OPRK1: variants seen among roughly 807,000 people sequenced by gnomAD.
The protein encoded by OPRK1 is kappa-type opioid receptor.
OPRK1 carries 15 observed loss-of-function variants against 24.5 expected under a neutral mutation model. The ratio of observed to expected loss-of-function variants is 0.61; its 90% CI spans 0.41 to 0.94. The LOEUF (loss-of-function observed/expected upper bound fraction) is 0.94, where lower values mean the gene tolerates loss of function less well. OPRK1 is among the 40% of genes least tolerant of loss of function. OPRK1 has a pLI of 0.00. For missense variants in OPRK1, 479 were observed against 507.3 expected (o/e 0.94, Z 0.54); for synonymous variants, 205 against 198.0 (o/e 1.04, Z -0.30).
intron 2 of OPRK1, chr8:53,242,908 C>T: frequency 7.8e-7 from 1 of 1,288,346 alleles, no homozygotes; most frequent in South Asian, 1.2e-5. Flanking sequence ...CATTGAAATT[C>T]CAACCTGTTT....
chr8:53,251,217 C>T, intron 1 of OPRK1, 132 bp from the exon 2 acceptor site: 1 of 1,001,880 alleles, frequency 1.0e-6, no homozygotes, highest in Non-Finnish European at 1.4e-6. Flanking sequence ...ACAGGGAGAA[C>T]GGACTTCTCG....
Position 53,229,484 on chromosome 8 carries a change from C to T in OPRK1, c.956G>A (p.Gly319Asp), listed in dbSNP as rs890331248. The stretch of plus-strand genomic sequence containing the variant: ...GGGATTCAGGCTACTGTTGGTATAG[C>T]CTAAGGCGATGCAGAAGTAATAGCT... ...LSSYYFCIAL[G>D]YTNSSLNPIL... Residue 319 changes from glycine (G) to aspartate (D), a missense_variant, in exon 4 of 4, where the codon GGC becomes GAC. Gly to Asp is a moderately conservative substitution (Grantham distance 94, BLOSUM62 -1). Coordinates refer to ENST00000265572, the MANE Select transcript of OPRK1 (RefSeq NM_000912.5). 4.3e-6 allele frequency: 7 copies of T among 1,614,064 alleles called. No individual in the cohort carries two copies. The highest frequency in any genetic ancestry group is 5.1e-6 in the Non-Finnish European group (6 of 1,180,048).
chr8:53,234,224 G>C (rs1298738058), intron 3 of OPRK1, among the ~76,000 whole-genome samples: 1 of 139,434 alleles, frequency 7.2e-6, no homozygotes, highest in African/African-American at 2.8e-5. Context: ...GGTTTGCATG[G>C]GGTAAAACCT....
rs559644823 is a variant in OPRK1, at chr8:53,248,794, T to A, written c.257+1987A>T. 3.3e-4 allele frequency among the ~76,000 whole-genome samples: 51 copies of A among 152,314 alleles called. 2 individuals are homozygous for A. In the South Asian group the frequency reaches 9.7e-3, roughly 29 times the overall value. ...AGTGAACTAGATAGATTTCAGTAGGTTGGTACTCCAGGATGGCAGTAGAAC... is the reference window on the plus strand; with the variant it reads ...AGTGAACTAGATAGATTTCAGTAGGATGGTACTCCAGGATGGCAGTAGAAC... On this transcript the variant is annotated intron_variant, in intron 2 of 3. Coordinates refer to ENST00000265572, the MANE Select transcript of OPRK1 (RefSeq NM_000912.5).
At chr8:53,235,182 T>C (rs1585631201) in intron 2 of OPRK1, 71 bp from the exon 3 acceptor site, 3 of 1,328,444 alleles carry the variant, frequency 2.3e-6, no homozygotes, top group Admixed American at 2.0e-5. Flanking sequence ...GTGTTTGTGA[T>C]AGCCTTTGGA....
At chr8:53,250,449 C>T (rs1807347501) in intron 2 of OPRK1, among the ~76,000 whole-genome samples, 1 of 152,174 alleles carries the variant, frequency 6.6e-6, no homozygotes, top group Non-Finnish European at 1.5e-5. Context: ...GAACCCCTGA[C>T]CCTGTTGTCA....
rs1408954765 is a variant in OPRK1, at chr8:53,238,757, G to A, written c.258-3646C>T. 7.2e-6 allele frequency: 7 copies of A among 973,058 alleles called. No homozygotes were observed. The African/African-American group carries it at 1.2e-4, about 17-fold the overall frequency. The allele number at this position is 973,058 out of a possible 1,614,324, so 60.3% of individuals were successfully genotyped here. On this transcript the variant is annotated intron_variant, in intron 2 of 3. Transcript: ENST00000265572. ...TCAGGAACCAGTGTCACCAGGCAGG[G>A]TTTCTGGGAGGACGTGACACTCACC...
rs539940477 is a variant in OPRK1 at position 53,247,502 on chromosome 8, A to G, written c.257+3279T>C. Among the ~76,000 whole-genome samples the G allele has an allele frequency of 4.6e-5, 7 of 152,270 alleles. No individual in the cohort carries two copies. In the East Asian group the frequency reaches 1.4e-3, roughly 29 times the overall value. Reference sequence around the variant, plus strand: ...ATTAAGTGTTCATTAAATGTTAGTTATCTTCTTTAAGGGAGGAGAAAGTCG... The same window carrying G: ...ATTAAGTGTTCATTAAATGTTAGTTGTCTTCTTTAAGGGAGGAGAAAGTCG... On this transcript the variant is annotated intron_variant, in intron 2 of 3. Coordinates refer to ENST00000265572, the MANE Select transcript of OPRK1 (RefSeq NM_000912.5).
At chr8:53,234,182 C>CAAAAAAAAAAA (rs546459906) in intron 3 of OPRK1, among the ~76,000 whole-genome samples, 6 of 65,352 alleles carry the variant, frequency 9.2e-5, no homozygotes, top group South Asian at 7.3e-4. Context: ...GACTCTCTCT[C>CAAAAAAAAAAA]AAAAAAAAAA....
At chr8:53,244,867 G>T (rs970776325) in intron 2 of OPRK1, among the ~76,000 whole-genome samples, 2 of 152,144 alleles carry the variant, frequency 1.3e-5, no homozygotes, top group Non-Finnish European at 2.9e-5. Context: ...TGACTGTACG[G>T]TCCTGCCTTG....
chr8:53,235,054 A>G lies in OPRK1; in HGVS notation c.315T>C (p.Asp105=). 3.7e-6 allele frequency: 6 copies of G among 1,614,270 alleles called. No homozygotes were observed. Among genetic ancestry groups the G allele is most frequent in the Non-Finnish European group, 5.1e-6 (6 of 1,180,040 alleles). The part of the protein sequence containing the change: ...NIYIFNLALA[D]ALVTTTMPFQ... The stretch of plus-strand genomic sequence containing the variant: ...AGGGCATGGTTGTAGTAACTAAAGC[A>G]TCTGCCAAAGCCAGGTTAAATATGT... The change falls in exon 3 of 4, where the codon GAT becomes GAC. Residue 105 remains aspartate (D), a synonymous_variant. Coordinates refer to ENST00000265572, the MANE Select transcript of OPRK1 (RefSeq NM_000912.5).
Position 53,251,614 on chromosome 8 carries a change from T to G in OPRK1, c.-215A>C, listed in dbSNP as rs1563333199. Reference sequence around the variant, plus strand: ...TGTTCCGCCGAGCGCAGCCCCCGCCTCTCAGCGCACGTCTCCCACTACTGG... The same window carrying G: ...TGTTCCGCCGAGCGCAGCCCCCGCCGCTCAGCGCACGTCTCCCACTACTGG... On this transcript the variant is annotated 5_prime_UTR_variant, in exon 1 of 4. Coordinates refer to ENST00000265572, the MANE Select transcript of OPRK1 (RefSeq NM_000912.5). 1.3e-5 allele frequency: 2 copies of G among 152,010 alleles called. No homozygotes were observed. The highest frequency in any genetic ancestry group is 4.8e-5 in the African/African-American group (2 of 41,382). The allele number at this position is 152,010 out of a possible 1,614,324, so 9.4% of individuals were successfully genotyped here.
intron 3 of OPRK1, among the ~76,000 whole-genome samples, chr8:53,230,181 A>G (rs750081966): frequency 3.3e-4 from 50 of 151,904 alleles, no homozygotes; most frequent in Non-Finnish European, 6.5e-4. Context: ...ACTTATTTCT[A>G]TTTCCATTCA....
chr8:53,241,656 C>T (rs547736654), intron 2 of OPRK1, among the ~76,000 whole-genome samples: 82 of 152,246 alleles, frequency 5.4e-4, no homozygotes, highest in African/African-American at 1.8e-3. Flanking sequence ...CTTTGATATC[C>T]CTCAGTCTGT....
chr8:53,239,880 G>A (rs563221782), intron 2 of OPRK1, among the ~76,000 whole-genome samples: 1 of 152,282 alleles, frequency 6.6e-6, no homozygotes, highest in Admixed American at 6.5e-5. Context: ...AATACTCTCA[G>A]TGTTTTTCAG....
intron 2 of OPRK1, among the ~76,000 whole-genome samples, chr8:53,239,708 T>G (rs6651353): frequency 0.12 from 18,188 of 152,242 alleles, 1,474 homozygotes; most frequent in African/African-American, 0.24. Context: ...CTTGATAATT[T>G]CTTAGTGAAT....
intron 3 of OPRK1, among the ~76,000 whole-genome samples, chr8:53,232,627 TGAAG>T (rs1806882984): frequency 6.6e-6 from 1 of 152,206 alleles, no homozygotes; most frequent in Admixed American, 6.5e-5. Flanking sequence ...ATTTTCAGGT[TGAAG>T]TATCCATACA....
rs988435656 is a variant in OPRK1 at position 53,229,583 on chromosome 8, C to A, written c.857G>T (p.Cys286Phe). The A allele has an allele frequency of 1.2e-6, 2 of 1,614,186 alleles. No homozygotes were observed. The highest frequency in any genetic ancestry group is 2.2e-5 in the East Asian group (1 of 44,888). The change falls in exon 4 of 4, where the codon TGC becomes TTC. Residue 286 changes from cysteine (C) to phenylalanine (F), a missense_variant. Coordinates refer to ENST00000265572, the MANE Select transcript of OPRK1 (RefSeq NM_000912.5). The part of the protein sequence containing the change: ...VLVVVAVFVV[C>F]WTPIHIFILV... ...GATGAATATGTGAATGGGAGTCCAG[C>A]AGACGACGAAGACTGCCACCACCAC...
intron 3 of OPRK1, among the ~76,000 whole-genome samples, chr8:53,232,824 A>G (rs911344075): frequency 2.0e-5 from 3 of 152,350 alleles, no homozygotes; most frequent in East Asian, 3.9e-4. Context: ...TTCTGCTTAT[A>G]GCGATTATAA....
Sources: gnomAD v4.1 joint callset for allele counts (sites outside exome capture counted in the v4.1 genomes callset) on GRCh38, gnomAD v4.1.1 for gene constraint, MANE v1.5 for transcripts, NCBI Gene and HGNC (gene_info 2026-07-23, HGNC 2026-07-21) for gene names.